FBLN7: variants seen among roughly 807,000 people sequenced by gnomAD.
The protein encoded by FBLN7 is fibulin-7.
FBLN7 carries 31 observed loss-of-function variants against 44.0 expected under a neutral mutation model. That is an observed-to-expected ratio of 0.70 (90% CI 0.53 to 0.95). The LOEUF (loss-of-function observed/expected upper bound fraction) is 0.95, where lower values mean the gene tolerates loss of function less well. FBLN7 is among the 40% of genes least tolerant of loss of function. The probability of loss-of-function intolerance (pLI) is 0.00; values close to 1 mark genes in which losing one functional copy is unlikely to be tolerated. For missense variants in FBLN7, 573 were observed against 618.5 expected (o/e 0.93, Z 0.78); for synonymous variants, 262 against 253.4 (o/e 1.03, Z -0.32).
chr2:112,195,447 C>T, the FBLN7 span, among the ~76,000 whole-genome samples: 3 of 152,160 alleles, frequency 2.0e-5, no homozygotes, highest in Non-Finnish European at 4.4e-5. Flanking sequence ...CTCTTTGACT[C>T]GTTTGTCCAC....
Position 112,187,595 on chromosome 2 carries a change from CCG to C in FBLN7, c.*91_*92del. On this transcript the variant is annotated 3_prime_UTR_variant, in exon 8 of 8. Coordinates refer to ENST00000331203, the MANE Select transcript of FBLN7 (RefSeq NM_153214.3). This position sits in a 1 kb window ranked among gnomAD's most constrained non-coding sequence, Gnocchi z 5.1. ...TCGGGCACCGACTGCGTGGAGCCTC[CCG>C]CCTGTTCCCGCCCTCTCACCAGTGC... 1 of 1,523,208 alleles carries C rather than the reference CCG, an allele frequency of 6.6e-7. No individual in the cohort carries two copies. Among genetic ancestry groups the C allele is most frequent in the Non-Finnish European group, 8.9e-7 (1 of 1,124,690 alleles). 94.4% of individuals were successfully genotyped at this position (1,523,208 alleles called of 1,614,324 possible).
intron 3 of FBLN7, among the ~76,000 whole-genome samples, chr2:112,169,491 T>C (rs1682339613): frequency 6.6e-6 from 1 of 152,192 alleles, no homozygotes. Flanking sequence ...TTTGACAACG[T>C]GGGTAACCAA....
the FBLN7 span, among the ~76,000 whole-genome samples, chr2:112,228,650 A>G: frequency 6.6e-6 from 1 of 152,204 alleles, no homozygotes; most frequent in African/African-American, 2.4e-5. Context: ...AGAAGAAAAC[A>G]TAAGAGCACA....
intron 3 of FBLN7, among the ~76,000 whole-genome samples, chr2:112,174,560 C>T (rs1004154571): frequency 1.3e-5 from 2 of 152,194 alleles, no homozygotes; most frequent in African/African-American, 4.8e-5. Context: ...GAGGTGTTTT[C>T]AGTTTTCTTT....
At chr2:112,193,100 A>AC (rs1203892052), downstream of FBLN7, among the ~76,000 whole-genome samples, 4 of 152,048 alleles carry the variant, frequency 2.6e-5, no homozygotes, top group Non-Finnish European at 5.9e-5. Context: ...GGGCTCCAGG[A>AC]CCCCCCATGG....
chr2:112,169,798 C>A (rs1321844147), intron 3 of FBLN7, among the ~76,000 whole-genome samples: 2 of 152,104 alleles, frequency 1.3e-5, no homozygotes, highest in African/African-American at 4.8e-5. Flanking sequence ...CACACATGAC[C>A]TAACAAGGGA....
the FBLN7 span, among the ~76,000 whole-genome samples, chr2:112,220,731 G>A: frequency 6.6e-6 from 1 of 152,230 alleles, no homozygotes; most frequent in East Asian, 1.9e-4. Flanking sequence ...TGAGGCAGGA[G>A]AATCACTTGA....
the FBLN7 span, among the ~76,000 whole-genome samples, chr2:112,224,472 A>G: frequency 2.0e-5 from 3 of 152,204 alleles, no homozygotes. Flanking sequence ...GAAAATATTA[A>G]TAGCAGTCTC....
Position 112,165,142 on chromosome 2 carries a change from C to T in FBLN7, c.377C>T (p.Thr126Ile), listed in dbSNP as rs747179865. 6.2e-7 allele frequency: 1 copy of T among 1,614,182 alleles called. No homozygotes were observed. Among genetic ancestry groups the T allele is most frequent in the South Asian group, 1.1e-5 (1 of 91,088 alleles). Residue 126 changes from threonine (T) to isoleucine (I), a missense_variant, in exon 3 of 8, where the codon ACC becomes ATC. Transcript: ENST00000331203. The part of the protein sequence containing the change: ...PSSVVCLPNG[T>I]WTGEQPHCRG... ...AGCGTGGTGTGTCTTCCCAATGGCA[C>T]CTGGACAGGGGAGCAGCCCCACTGT... is the stretch of plus-strand genomic sequence containing the variant.
At chr2:112,172,627 C>CTTTTTTTTTTT (rs35062438) in intron 3 of FBLN7, among the ~76,000 whole-genome samples, 87 of 88,128 alleles carry the variant, frequency 9.9e-4, no homozygotes, top group African/African-American at 1.6e-3. Context: ...CTTTTTCTTT[C>CTTTTTTTTTTT]TTTTTTTTTT....
At chr2:112,203,603 C>T in the FBLN7 span, among the ~76,000 whole-genome samples, 2 of 152,052 alleles carry the variant, frequency 1.3e-5, no homozygotes, top group Non-Finnish European at 2.9e-5. Flanking sequence ...GAAGTATGCT[C>T]CCATGCATAA....
the FBLN7 span, among the ~76,000 whole-genome samples, chr2:112,207,863 T>A: frequency 1.3e-5 from 2 of 152,266 alleles, no homozygotes; most frequent in Non-Finnish European, 2.9e-5. Flanking sequence ...GTTGCATTTT[T>A]TCCCATCCTT....
chr2:112,174,056 A>C (rs1390085797), intron 3 of FBLN7, among the ~76,000 whole-genome samples: 4 of 152,228 alleles, frequency 2.6e-5, no homozygotes, highest in Admixed American at 6.5e-5. Context: ...AGACCACAGC[A>C]CTGGCCCTAC....
chr2:112,223,936 A>G, the FBLN7 span, among the ~76,000 whole-genome samples: 2 of 152,184 alleles, frequency 1.3e-5, no homozygotes, highest in Non-Finnish European at 1.5e-5. Flanking sequence ...TGAGGTCAGG[A>G]GTTTGAGACC....
chr2:112,237,851 G>T, the FBLN7 span, among the ~76,000 whole-genome samples: 1 of 152,156 alleles, frequency 6.6e-6, no homozygotes, highest in Non-Finnish European at 1.5e-5. Context: ...ACAGGCGTGA[G>T]CCACCATGCC....
rs917415996 is a variant in FBLN7 at position 112,165,000 on chromosome 2, GT to G, written c.238del (p.Ser80ProfsTer5). The G allele has an allele frequency of 1.2e-6, 2 of 1,613,680 alleles. No homozygotes were observed. Among genetic ancestry groups the G allele is most frequent in the African/African-American group, 2.7e-5 (2 of 74,910 alleles). ...CGTAATCCTTCCATCTCTCCTTACAGTTTCCTGCCCGGCTCTGAACACCCCC... is the reference window on the plus strand; with the variant it reads ...CGTAATCCTTCCATCTCTCCTTACAGTTCCTGCCCGGCTCTGAACACCCCC... Reference protein sequence around the residue: ...VGRVGPDALPVSCPALNTPAD... With the variant: ...VGRVGPDALPXSCPALNTPAD... On this transcript the variant is annotated frameshift_variant and splice_region_variant, in exon 3 of 8. Transcript: ENST00000331203. LOFTEE classifies it high-confidence loss of function.
intron 7 of FBLN7, 133 bp downstream of exon 7, chr2:112,185,472 G>T (rs1683226069): frequency 1.6e-6 from 2 of 1,260,978 alleles, no homozygotes; most frequent in South Asian, 3.2e-5. Context: ...TGGGAGGCTG[G>T]TGTCTCTGAA....
chr2:112,204,659 G>A, the FBLN7 span, among the ~76,000 whole-genome samples: 1 of 152,106 alleles, frequency 6.6e-6, no homozygotes, highest in South Asian at 2.1e-4. Flanking sequence ...CATATTCAAA[G>A]AGATCAAAGA....
chr2:112,201,766 A>G, the FBLN7 span, among the ~76,000 whole-genome samples: 1 of 152,236 alleles, frequency 6.6e-6, no homozygotes, highest in Non-Finnish European at 1.5e-5. Flanking sequence ...TTCCTCCTTC[A>G]TGGACTGAAA....
Sources: allele counts gnomAD v4.1 joint callset (sites outside exome capture counted in the v4.1 genomes callset), GRCh38; gene constraint gnomAD v4.1.1; non-coding constraint Gnocchi (gnomAD v3.1); transcripts MANE v1.5; gene names NCBI Gene and HGNC (gene_info 2026-07-23, HGNC 2026-07-21).